Variants in CLYBL observed in about 807,000 individuals in gnomAD.
CLYBL encodes citramalyl-CoA lyase.
Under a neutral mutation model 38.9 loss-of-function variants are expected in CLYBL, and 31 were observed. The observed-to-expected ratio is 0.80, with a 90% CI of 0.60 to 1.08. The LOEUF is 1.08. CLYBL is among the 50% of genes least tolerant of loss of function. The pLI is 0.00. For missense variants in CLYBL, 434 were observed against 411.6 expected, an observed-to-expected ratio of 1.05 and a Z score of -0.47; for synonymous variants, 171 against 158.6, an observed-to-expected ratio of 1.08 and a Z score of -0.59.
At chr13:99,839,710 GTA>G (rs911056617) in intron 2 of CLYBL, among the ~76,000 whole-genome samples, 1 of 151,782 alleles carries the variant, frequency 6.6e-6, no homozygotes, top group Non-Finnish European at 1.5e-5. Flanking sequence ...TACATAGTAG[GTA>G]TATATATATT....
At chr13:99,792,221 A>G (rs531783703) in intron 2 of CLYBL, among the ~76,000 whole-genome samples, 180 of 152,334 alleles carry the variant, frequency 1.2e-3, no homozygotes, top group Non-Finnish European at 1.6e-3. Flanking sequence ...AGGCAGCACC[A>G]TCTGGCTGAG....
chr13:99,822,719 A>C (rs1738416737), intron 2 of CLYBL, among the ~76,000 whole-genome samples: 1 of 152,224 alleles, frequency 6.6e-6, no homozygotes, highest in Admixed American at 6.5e-5. Context: ...AGTGTTGAGG[A>C]ATTGGGAAAA....
chr13:99,709,183 A>T (rs1490586588), intron 1 of CLYBL, among the ~76,000 whole-genome samples: 1 of 152,186 alleles, frequency 6.6e-6, no homozygotes, highest in East Asian at 1.9e-4. Context: ...TTGGGCACAG[A>T]GATAGACATG....
At chr13:99,796,523 T>C (rs1352997802) in intron 2 of CLYBL, among the ~76,000 whole-genome samples, 2 of 152,156 alleles carry the variant, frequency 1.3e-5, no homozygotes, top group Non-Finnish European at 2.9e-5. Context: ...ATAGCAATTC[T>C]ATGAAAGAGG....
At chr13:99,665,006 TG>T (rs1359958965) in intron 1 of CLYBL, among the ~76,000 whole-genome samples, 2 of 151,948 alleles carry the variant, frequency 1.3e-5, no homozygotes, top group Non-Finnish European at 2.9e-5. Context: ...AGCAGAAGAA[TG>T]TTTTTCAATT....
At chr13:99,791,485 A>G (rs1018072814) in intron 2 of CLYBL, among the ~76,000 whole-genome samples, 6 of 152,194 alleles carry the variant, frequency 3.9e-5, no homozygotes, top group African/African-American at 7.2e-5. Flanking sequence ...GCATAATTTG[A>G]TAGTCAGGAA....
intron 8 of CLYBL, among the ~76,000 whole-genome samples, chr13:99,902,862 G>A (rs915472118): frequency 5.9e-5 from 9 of 152,248 alleles, no homozygotes; most frequent in African/African-American, 1.9e-4. Context: ...TTTAATTATT[G>A]TATTTTGTAC....
chr13:99,696,125 C>G (rs1292995240), intron 1 of CLYBL, among the ~76,000 whole-genome samples: 2 of 152,134 alleles, frequency 1.3e-5, no homozygotes, highest in Admixed American at 6.5e-5. Flanking sequence ...ATAGCAAGCT[C>G]TCCTCTGGCA....
At chr13:99,746,354 T>C in intron 1 of CLYBL, among the ~76,000 whole-genome samples, 1 of 78,510 alleles carries the variant, frequency 1.3e-5, no homozygotes, top group East Asian at 2.5e-4. Context: ...CTTTAAATAC[T>C]ATTTTTTTTT....
intron 2 of CLYBL, among the ~76,000 whole-genome samples, chr13:99,847,832 T>C (rs1239461267): frequency 6.6e-6 from 1 of 152,190 alleles, no homozygotes; most frequent in Non-Finnish European, 1.5e-5. Context: ...TCAGAGATAC[T>C]TCTCAACTGA....
intron 1 of CLYBL, among the ~76,000 whole-genome samples, chr13:99,721,011 C>T (rs758081787): frequency 7.9e-5 from 12 of 151,832 alleles, no homozygotes; most frequent in Non-Finnish European, 1.2e-4. Context: ...GTATGATTTC[C>T]CCGCATCCAT....
intron 2 of CLYBL, among the ~76,000 whole-genome samples, chr13:99,840,541 TGGGCACAA>T (rs2051046344): frequency 6.6e-6 from 1 of 151,904 alleles, no homozygotes; most frequent in Admixed American, 6.6e-5. Context: ...GGGAATTGCT[TGGGCACAA>T]GAGTTAGAGA....
At chr13:99,870,524 AC>A (rs539527599) in intron 6 of CLYBL, among the ~76,000 whole-genome samples, 5 of 152,202 alleles carry the variant, frequency 3.3e-5, no homozygotes, top group Non-Finnish European at 7.3e-5. Flanking sequence ...AGCAAAAGAC[AC>A]CTTATAAAAT....
chr13:99,666,525 A>G (rs144772351), intron 1 of CLYBL, among the ~76,000 whole-genome samples: 1 of 151,940 alleles, frequency 6.6e-6, no homozygotes, highest in East Asian at 1.9e-4. Flanking sequence ...CCCCTTTCTT[A>G]AATTGTTATT....
At chr13:99,744,646 G>A (rs2048818815) in intron 1 of CLYBL, among the ~76,000 whole-genome samples, 1 of 152,188 alleles carries the variant, frequency 6.6e-6, no homozygotes, top group Admixed American at 6.5e-5. Flanking sequence ...AATTCAGAGA[G>A]ATAGATGGCG....
intron 2 of CLYBL, among the ~76,000 whole-genome samples, chr13:99,787,137 C>T (rs1358568944): frequency 6.6e-6 from 1 of 151,966 alleles, no homozygotes; most frequent in African/African-American, 2.4e-5. Flanking sequence ...CAAAAATTTT[C>T]TCCCATTCTG....
chr13:99,755,981 A>C (rs767223206), intron 1 of CLYBL, among the ~76,000 whole-genome samples: 3 of 152,112 alleles, frequency 2.0e-5, no homozygotes, highest in African/African-American at 7.2e-5. Context: ...CTATGTTCAG[A>C]CCCTTAAGCT....
chr13:99,717,113 G>A lies in CLYBL; in HGVS notation c.63-55711G>A, dbSNP rs1008895058. ...GCCCCCCTCTTTAATTTCTTGAACC[G>A]CTTGTATAAGATATGAATTATCTGT... On this transcript the variant is annotated intron_variant, in intron 1 of 8. Coordinates refer to ENST00000339105, the MANE Select transcript of CLYBL (RefSeq NM_206808.5). Among the ~76,000 whole-genome samples the A allele has an allele frequency of 4.6e-5, 7 of 151,862 alleles. No individual in the cohort carries two copies. The South Asian group carries it at 6.3e-4, about 14-fold the overall frequency.
At chr13:99,676,186 G>GTCCGTCCGTCCGTCCT (rs1459044000) in intron 1 of CLYBL, among the ~76,000 whole-genome samples, 39 of 133,086 alleles carry the variant, frequency 2.9e-4, no homozygotes, top group African/African-American at 8.3e-4. Context: ...CCCTCCGTCC[G>GTCCGTCCGTCCGTCCT]TCCTTCCTTC....
Sources: gnomAD v4.1 joint callset for allele counts (sites outside exome capture counted in the v4.1 genomes callset) on GRCh38, gnomAD v4.1.1 for gene constraint, MANE v1.5 for transcripts, NCBI Gene and HGNC (gene_info 2026-07-23, HGNC 2026-07-21) for gene names.